The following MARCHF11 variants were observed in gnomAD, a reference collection of about 807,000 sequenced individuals.
The protein encoded by MARCHF11 is E3 ubiquitin-protein ligase MARCHF11.
Under a neutral mutation model 37.3 loss-of-function variants are expected in MARCHF11, and 29 were observed. That is an observed-to-expected ratio of 0.78 (90% CI 0.58 to 1.06). The LOEUF (loss-of-function observed/expected upper bound fraction) is 1.06, where lower values mean the gene tolerates loss of function less well. MARCHF11 is among the 50% of genes least tolerant of loss of function. MARCHF11 has a pLI of 0.00. For synonymous variants in MARCHF11, 233 were observed against 228.0 expected, an observed-to-expected ratio of 1.02 and a Z score of -0.20; for missense variants, 482 against 533.4, an observed-to-expected ratio of 0.90 and a Z score of 0.95.
chr5:16,175,017 C>A (rs1348011217), intron 2 of MARCHF11, among the ~76,000 whole-genome samples: 2 of 152,206 alleles, frequency 1.3e-5, no homozygotes, highest in Non-Finnish European at 2.9e-5. Context: ...ACCCAGCTAT[C>A]ACAGTGAAAA....
intron 2 of MARCHF11, among the ~76,000 whole-genome samples, chr5:16,120,126 T>C (rs886825759): frequency 1.3e-5 from 2 of 151,714 alleles, no homozygotes; most frequent in Non-Finnish European, 3.0e-5. Context: ...GAAGTTAATG[T>C]TGGAAATGTA....
chr5:16,084,176 T>C (rs1301771918), intron 3 of MARCHF11, among the ~76,000 whole-genome samples: 1 of 152,220 alleles, frequency 6.6e-6, no homozygotes, highest in Non-Finnish European at 1.5e-5. Context: ...ATAATCCATC[T>C]AAAACCATAA....
chr5:16,150,028 A>G (rs1358861135), intron 2 of MARCHF11, among the ~76,000 whole-genome samples: 2 of 149,108 alleles, frequency 1.3e-5, no homozygotes, highest in East Asian at 1.9e-4. Context: ...GGGGCTGTCT[A>G]CTCGGAGGGA....
chr5:16,081,245 T>G (rs1443808378), intron 3 of MARCHF11, among the ~76,000 whole-genome samples: 2 of 152,206 alleles, frequency 1.3e-5, no homozygotes, highest in African/African-American at 4.8e-5. Context: ...AAGTAGGGAA[T>G]TGTTATATTC....
intron 2 of MARCHF11, among the ~76,000 whole-genome samples, chr5:16,172,701 A>G (rs541489409): frequency 6.6e-6 from 1 of 152,354 alleles, no homozygotes; most frequent in East Asian, 1.9e-4. Context: ...CTCCTAGTGC[A>G]TCAGCTACAT....
rs375011665 is a variant in MARCHF11 at position 16,153,593 on chromosome 5, T to C, written c.693+24133A>G. Among the ~76,000 whole-genome samples, 25 of 152,122 alleles carry C rather than the reference T, an allele frequency of 1.6e-4. No homozygotes were observed. The East Asian group carries it at 3.5e-3, about 21-fold the overall frequency. On this transcript the variant is annotated intron_variant, in intron 2 of 3. Coordinates refer to ENST00000332432, the MANE Select transcript of MARCHF11 (RefSeq NM_001102562.3). Reference sequence around the variant, plus strand: ...GCAGTTAAGCGCAGTATTCTTTACATGGCAAGATATTTGTATTCAATAAAC... The same window carrying C: ...GCAGTTAAGCGCAGTATTCTTTACACGGCAAGATATTTGTATTCAATAAAC...
chr5:16,082,524 G>A (rs1736629155), intron 3 of MARCHF11, among the ~76,000 whole-genome samples: 1 of 152,162 alleles, frequency 6.6e-6, no homozygotes, highest in Non-Finnish European at 1.5e-5. Flanking sequence ...TGGGCAAGAG[G>A]AGAAGAATGT....
chr5:16,131,266 T>C (rs1435010734), intron 2 of MARCHF11, among the ~76,000 whole-genome samples: 1 of 152,244 alleles, frequency 6.6e-6, no homozygotes, highest in East Asian at 1.9e-4. Context: ...TTTGGTTCAG[T>C]AAGCAGTCAC....
At chr5:16,101,618 T>G (rs534705821) in intron 2 of MARCHF11, among the ~76,000 whole-genome samples, 1 of 152,248 alleles carries the variant, frequency 6.6e-6, no homozygotes, top group South Asian at 2.1e-4. Flanking sequence ...TATTCAGTAT[T>G]AATTATGTTT....
In MARCHF11 at chr5:16,067,361, T is replaced by A; in HGVS notation, c.*110A>T. On this transcript the variant is annotated 3_prime_UTR_variant, in exon 4 of 4. Coordinates refer to ENST00000332432, the MANE Select transcript of MARCHF11 (RefSeq NM_001102562.3). ...CAAATGTTCATATAAAAAGCATAAA[T>A]TTTAAAAAGTTCATAGATGTGTTTT... 3 of 1,002,266 alleles carry A rather than the reference T, an allele frequency of 3.0e-6. No homozygotes were observed. Among genetic ancestry groups the A allele is most frequent in the Non-Finnish European group, 4.4e-6 (3 of 684,606 alleles). The allele number at this position is 1,002,266 out of a possible 1,614,324, so 62.1% of individuals were successfully genotyped here. A position where few individuals can be genotyped will look rare whatever the true frequency, so the allele number is the denominator to read the frequency against.
At chr5:16,125,705 G>A (rs917286154) in intron 2 of MARCHF11, among the ~76,000 whole-genome samples, 1 of 151,230 alleles carries the variant, frequency 6.6e-6, no homozygotes. Context: ...AATATCAAAG[G>A]GGCCCATGTC....
At chr5:16,073,431 A>G (rs1736469389) in intron 3 of MARCHF11, among the ~76,000 whole-genome samples, 2 of 152,206 alleles carry the variant, frequency 1.3e-5, no homozygotes, top group Non-Finnish European at 2.9e-5. Flanking sequence ...TCACTTTAAA[A>G]GTCACTATCT....
In MARCHF11 at chr5:16,174,726, G is replaced by T. The variant is rs368261138; in HGVS notation, c.693+3000C>A. 1.9e-3 allele frequency among the ~76,000 whole-genome samples: 285 copies of T among 152,300 alleles called. 1 individual carries two copies. Among genetic ancestry groups the T allele is most frequent in the Non-Finnish European group, 3.2e-3 (219 of 68,030 alleles). Reference sequence around the variant, plus strand: ...TTCAGAGTGCTGGAAGGGAAGTTATGGTGATATGTGCTGATCTACCCGGAC... The same window carrying T: ...TTCAGAGTGCTGGAAGGGAAGTTATTGTGATATGTGCTGATCTACCCGGAC... On this transcript the variant is annotated intron_variant, in intron 2 of 3. Transcript: ENST00000332432.
intron 2 of MARCHF11, among the ~76,000 whole-genome samples, chr5:16,166,814 CA>C (rs1738176234): frequency 6.6e-6 from 1 of 151,980 alleles, no homozygotes; most frequent in South Asian, 2.1e-4. Context: ...TCAAGTATCA[CA>C]TGATCCATTT....
intron 2 of MARCHF11, among the ~76,000 whole-genome samples, chr5:16,112,937 C>T (rs968083912): frequency 2.0e-5 from 3 of 152,042 alleles, no homozygotes; most frequent in Non-Finnish European, 2.9e-5. Flanking sequence ...TTCTGTCTCT[C>T]GCCTCCCCAG....
chr5:16,100,750 G>A (rs1736942434), intron 2 of MARCHF11, among the ~76,000 whole-genome samples: 1 of 152,200 alleles, frequency 6.6e-6, no homozygotes, highest in African/African-American at 2.4e-5. Context: ...AGGTATATCA[G>A]AGCAGCAGAA....
chr5:16,103,135 A>G (rs1024948770), intron 2 of MARCHF11, among the ~76,000 whole-genome samples: 1 of 151,546 alleles, frequency 6.6e-6, no homozygotes, highest in Admixed American at 6.6e-5. Flanking sequence ...AAAACTCCAC[A>G]AAAGTCTAAA....
intron 2 of MARCHF11, among the ~76,000 whole-genome samples, chr5:16,138,774 T>C (rs1267477329): frequency 6.6e-6 from 1 of 152,198 alleles, no homozygotes; most frequent in Non-Finnish European, 1.5e-5. Context: ...ATATGAGACA[T>C]GGAGTCAAAT....
chr5:16,080,715 CT>C (rs1370151765), intron 3 of MARCHF11, among the ~76,000 whole-genome samples: 1 of 152,184 alleles, frequency 6.6e-6, no homozygotes, highest in Non-Finnish European at 1.5e-5. Flanking sequence ...ATCACCATAT[CT>C]TGTGATTAAT....
Sources: gnomAD v4.1 joint callset for allele counts (sites outside exome capture counted in the v4.1 genomes callset) on GRCh38, gnomAD v4.1.1 for gene constraint, MANE v1.5 for transcripts, NCBI Gene and HGNC (gene_info 2026-07-23, HGNC 2026-07-21) for gene names.